Variants in RPL28 observed in about 807,000 individuals in gnomAD.
The protein encoded by RPL28 is ribosomal protein L28.
RPL28 carries 4 observed loss-of-function variants against 12.5 expected under a neutral mutation model. That is an observed-to-expected ratio of 0.32 (90% CI 0.16 to 0.73). The LOEUF is 0.73. RPL28 is among the 30% of genes least tolerant of loss of function. The pLI is 0.66. For synonymous variants in RPL28, 91 were observed against 72.5 expected, an observed-to-expected ratio of 1.26 and a Z score of -1.30; for missense variants, 214 against 197.7, an observed-to-expected ratio of 1.08 and a Z score of -0.49.
In RPL28 at chr19:55,388,223, C is replaced by T. The variant is rs376029266; in HGVS notation, c.325-20C>T. The T allele has an allele frequency of 1.3e-6, 2 of 1,519,556 alleles. No individual in the cohort carries two copies. The highest frequency in any genetic ancestry group is 2.3e-5 in the Admixed American group (1 of 43,710). The allele number at this position is 1,519,556 out of a possible 1,614,324, so 94.1% of individuals were successfully genotyped here. ...TGTGGAGTGTATGGGCTGAGCCTTG[C>T]TCTGCTCCCCCGCCCCCAGGCAGCC... is the stretch of plus-strand genomic sequence containing the variant. On this transcript the variant is annotated intron_variant, in intron 4 of 4. Coordinates refer to ENST00000344063, the MANE Select transcript of RPL28 (RefSeq NM_000991.5).
Position 55,391,681 on chromosome 19 carries a change from C to T in RPL28, c.*3349C>T. Reference sequence around the variant, plus strand: ...ATGCGTGTCGATAGACCCTACTACTCAGGGTTGATGAGAAGATTAAATGTG... The same window carrying T: ...ATGCGTGTCGATAGACCCTACTACTTAGGGTTGATGAGAAGATTAAATGTG... On this transcript the variant is annotated 3_prime_UTR_variant, in exon 5 of 5. Transcript: ENST00000344063. The T allele has an allele frequency of 1.9e-6, 3 of 1,541,044 alleles. No individual in the cohort carries two copies. Among genetic ancestry groups the T allele is most frequent in the Non-Finnish European group, 2.6e-6 (3 of 1,137,620 alleles).
chr19:55,388,417 T>C lies in RPL28; in HGVS notation c.*85T>C. On this transcript the variant is annotated 3_prime_UTR_variant, in exon 5 of 5. Coordinates refer to ENST00000344063, the MANE Select transcript of RPL28 (RefSeq NM_000991.5). The stretch of plus-strand genomic sequence containing the variant: ...CCCTTTTTGAAACGCTCTGGGGAGC[T>C]CTGGCCCTGTGTGTTGTCATTCAGG... The C allele has an allele frequency of 7.2e-7, 1 of 1,398,422 alleles. No homozygotes were observed. The highest frequency in any genetic ancestry group is 9.3e-7 in the Non-Finnish European group (1 of 1,072,112). 86.6% of individuals were successfully genotyped at this position (1,398,422 alleles called of 1,614,324 possible).
intron 4 of RPL28, chr19:55,401,389 G>A (rs2090056433): frequency 4.7e-6 from 6 of 1,280,030 alleles, no homozygotes; most frequent in Non-Finnish European, 6.5e-6. Context: ...GTTGGAGGGA[G>A]GGGACAGGAG....
chr19:55,398,731 T>C (rs892499707), intron 4 of RPL28, among the ~76,000 whole-genome samples: 19 of 152,120 alleles, frequency 1.2e-4, no homozygotes, highest in African/African-American at 4.6e-4. Context: ...AGACAGAGTC[T>C]CACTCTGTTG....
At chr19:55,397,178 C>A (rs1021785488) in intron 4 of RPL28, among the ~76,000 whole-genome samples, 3 of 152,200 alleles carry the variant, frequency 2.0e-5, no homozygotes, top group Non-Finnish European at 4.4e-5. Context: ...CTACACCCGG[C>A]CTCCTTGTTT....
downstream of RPL28, among the ~76,000 whole-genome samples, chr19:55,394,219 G>T (rs936862980): frequency 1.3e-5 from 2 of 152,262 alleles, no homozygotes; most frequent in Admixed American, 1.3e-4. Flanking sequence ...CCAAGATCAC[G>T]CCACTGCACT....
In RPL28 at chr19:55,390,720, C is replaced by G. The variant is rs1600306945; in HGVS notation, c.*2388C>G. 1 of 985,376 alleles carries G rather than the reference C, an allele frequency of 1.0e-6. No homozygotes were observed. Among genetic ancestry groups the G allele is most frequent in the South Asian group, 4.7e-5 (1 of 21,266 alleles). 61.0% of individuals were successfully genotyped at this position (985,376 alleles called of 1,614,324 possible). A position where few individuals can be genotyped will look rare whatever the true frequency, so the allele number is the denominator to read the frequency against. On this transcript the variant is annotated 3_prime_UTR_variant, in exon 5 of 5. Coordinates refer to ENST00000344063, the MANE Select transcript of RPL28 (RefSeq NM_000991.5). ...TGGCCAGCCTGTCTGTGTGGCTGGG[C>G]TGGGGAGGCCACGTCTGGTATCTGA...
rs767659246 is a variant in RPL28 at position 55,401,495 on chromosome 19, C to A, written c.325-1448C>A. On this transcript the variant is annotated intron_variant, in intron 4 of 4. Transcript: ENST00000560055. ...TTTTTCTTGGCCGCCAGCTTCTTAT[C>A]GCGCTCGCCAGCATGCTTCTTGGCC... The A allele has an allele frequency of 2.5e-6, 4 of 1,609,418 alleles. No homozygotes were observed. In the African/African-American group the frequency reaches 4.0e-5, roughly 16 times the overall value.
At chr19:55,392,182 G>A (rs976306475), downstream of RPL28, 2 of 895,924 alleles carry the variant, frequency 2.2e-6, no homozygotes, top group South Asian at 5.1e-5. Context: ...CCCTAAGTTA[G>A]CCACCTGTGC....
At position 55,389,024 on chromosome 19, in the gene RPL28, C is replaced by G; in HGVS notation, c.*692C>G. 2 of 985,534 alleles carry G rather than the reference C, an allele frequency of 2.0e-6. No individual in the cohort carries two copies. Among genetic ancestry groups the G allele is most frequent in the Non-Finnish European group, 2.4e-6 (2 of 829,976 alleles). 61.0% of individuals were successfully genotyped at this position (985,534 alleles called of 1,614,324 possible). On this transcript the variant is annotated 3_prime_UTR_variant, in exon 5 of 5. Coordinates refer to ENST00000344063, the MANE Select transcript of RPL28 (RefSeq NM_000991.5). The stretch of plus-strand genomic sequence containing the variant: ...TGTCTCTTTGAGCTGGCTCTTGTCA[C>G]TTAGGTCTCATCTCAGTGGCCGCTC...
Position 55,386,575 on chromosome 19 carries a change from C to A in RPL28, c.87C>A (p.Pro29=). 6.2e-7 allele frequency: 1 copy of A among 1,606,764 alleles called. No homozygotes were observed. Among genetic ancestry groups the A allele is most frequent in the Non-Finnish European group, 8.5e-7 (1 of 1,173,988 alleles). ...KRNKQTYSTE[P]NNLKARNSFR... ...TTGTGCCGCCTCCTTCCCAGGAGCCCAATAACTTGAAGGCCCGCAATTCCT... is the reference window on the plus strand; with the variant it reads ...TTGTGCCGCCTCCTTCCCAGGAGCCAAATAACTTGAAGGCCCGCAATTCCT... Residue 29 remains proline, a synonymous_variant, in exon 3 of 5, where the codon CCC becomes CCA. Coordinates refer to ENST00000344063, the MANE Select transcript of RPL28 (RefSeq NM_000991.5).
intron 3 of RPL28, chr19:55,386,995 C>T: frequency 6.9e-7 from 1 of 1,442,066 alleles, no homozygotes; most frequent in Non-Finnish European, 9.1e-7. Context: ...CAAAGCAAGT[C>T]AGGGTGGGGA....
In RPL28 at chr19:55,390,336, C is replaced by G. The variant is rs1253521049; in HGVS notation, c.*2004C>G. On this transcript the variant is annotated 3_prime_UTR_variant, in exon 5 of 5. Coordinates refer to ENST00000344063, the MANE Select transcript of RPL28 (RefSeq NM_000991.5). ...TCTCCTGCCTCAGCCTCCCGAGTAG[C>G]TGGGATTACAGGTGGGTGTCACCAC... 5.6e-6 allele frequency: 4 copies of G among 710,504 alleles called. No homozygotes were observed. Among genetic ancestry groups the G allele is most frequent in the Non-Finnish European group, 6.9e-6 (4 of 579,628 alleles). 44.0% of individuals were successfully genotyped at this position (710,504 alleles called of 1,614,324 possible).
At chr19:55,387,538 T>C in intron 3 of RPL28, 1 of 1,431,284 alleles carries the variant, frequency 7.0e-7, no homozygotes, top group Non-Finnish European at 9.1e-7. Flanking sequence ...GCTGGGCCTC[T>C]CAGCCAAGCT....
rs1244204164 is a variant in RPL28, at chr19:55,391,592, G to A, written c.*3260G>A. The A allele has an allele frequency of 7.1e-6, 11 of 1,548,552 alleles. No homozygotes were observed. In the Admixed American group the frequency reaches 7.9e-5, roughly 11 times the overall value. On this transcript the variant is annotated 3_prime_UTR_variant, in exon 5 of 5. Coordinates refer to ENST00000344063, the MANE Select transcript of RPL28 (RefSeq NM_000991.5). ...CTACTGGGTCAGGGCTCTGCTGCTC[G>A]GTGGCTGTGCAACCTTGGGCAAGTT... is the stretch of plus-strand genomic sequence containing the variant.
intron 4 of RPL28, chr19:55,401,447 G>A (rs781182726): frequency 1.9e-6 from 3 of 1,603,448 alleles, no homozygotes; most frequent in East Asian, 2.2e-5. Context: ...TACAGCCGCC[G>A]CAGCGCCCGC....
At position 55,391,896 on chromosome 19, in the gene RPL28, T is replaced by C. The variant is rs2089993561; in HGVS notation, c.*3564T>C. ...TGCCAGATCCATGTGCAGTAATGCCTGGTGGCTCCAGGTCTGCCCCGCCGT... is the reference window on the plus strand; with the variant it reads ...TGCCAGATCCATGTGCAGTAATGCCCGGTGGCTCCAGGTCTGCCCCGCCGT... On this transcript the variant is annotated 3_prime_UTR_variant, in exon 5 of 5. Coordinates refer to ENST00000344063, the MANE Select transcript of RPL28 (RefSeq NM_000991.5). 7.5e-7 allele frequency: 1 copy of C among 1,340,464 alleles called. No homozygotes were observed. Among genetic ancestry groups the C allele is most frequent in the Non-Finnish European group, 9.6e-7 (1 of 1,041,192 alleles). 83.0% of individuals were successfully genotyped at this position (1,340,464 alleles called of 1,614,324 possible).
In RPL28 at chr19:55,401,481, C is replaced by T. The variant is rs370235477; in HGVS notation, c.325-1462C>T. 43 of 1,608,410 alleles carry T rather than the reference C, an allele frequency of 2.7e-5. 1 individual carries two copies. The highest frequency in any genetic ancestry group is 1.9e-4 in the African/African-American group (14 of 74,786). ...GCTTCTTGTCCGTCTTTTTCTTGGC[C>T]GCCAGCTTCTTATCGCGCTCGCCAG... is the stretch of plus-strand genomic sequence containing the variant. On this transcript the variant is annotated intron_variant, in intron 4 of 4. Coordinates refer to the RPL28 transcript ENST00000560055.
Position 55,391,970 on chromosome 19 carries a change from T to A in RPL28, c.*3638T>A. ...AGCCTCCTGCCCGTGTTTGTGAATATCATTCTGTCCTCAGCTGCATTTCCA... is the reference window on the plus strand; with the variant it reads ...AGCCTCCTGCCCGTGTTTGTGAATAACATTCTGTCCTCAGCTGCATTTCCA... On this transcript the variant is annotated 3_prime_UTR_variant, in exon 5 of 5. Transcript: ENST00000344063. The A allele has an allele frequency of 8.3e-7, 1 of 1,208,758 alleles. No individual in the cohort carries two copies. The highest frequency in any genetic ancestry group is 1.0e-6 in the Non-Finnish European group (1 of 966,628). 74.9% of individuals were successfully genotyped at this position (1,208,758 alleles called of 1,614,324 possible). A position where few individuals can be genotyped will look rare whatever the true frequency, so the allele number is the denominator to read the frequency against.
Sources: gnomAD v4.1 joint callset for allele counts (sites outside exome capture counted in the v4.1 genomes callset) on GRCh38, gnomAD v4.1.1 for gene constraint, MANE v1.5 for transcripts, NCBI Gene and HGNC (gene_info 2026-07-23, HGNC 2026-07-21) for gene names.